The following MFSD1 variants were observed in gnomAD, a reference collection of about 807,000 sequenced individuals.
The protein encoded by MFSD1 is major facilitator superfamily domain containing 1.
A neutral mutation model predicts 67.1 loss-of-function variants in MFSD1; 59 were observed. That is an observed-to-expected ratio of 0.88 (90% CI 0.71 to 1.09). The LOEUF is 1.09. Among genes scored for constraint, MFSD1 ranks in the 50% least tolerant of loss-of-function variants. MFSD1 has a pLI of 0.00. For synonymous variants in MFSD1, 213 were observed against 200.3 expected (o/e 1.06, Z -0.54); for missense variants, 552 against 566.1 (o/e 0.97, Z 0.25).
At chr3:158,814,910 C>T (rs146161302) in intron 7 of MFSD1, among the ~76,000 whole-genome samples, 3,134 of 152,022 alleles carry the variant, frequency 0.021, 50 homozygotes, top group Non-Finnish European at 0.032. Flanking sequence ...TGGAGAAACC[C>T]GTCTCTACTA....
intron 7 of MFSD1, among the ~76,000 whole-genome samples, chr3:158,815,699 A>G (rs975786010): frequency 1.3e-5 from 2 of 151,506 alleles, no homozygotes; most frequent in Non-Finnish European, 2.9e-5. Context: ...CATGTGCACA[A>G]TGTGCAGGTT....
At chr3:158,815,356 C>CTTTTTTTTT (rs58754327) in intron 7 of MFSD1, among the ~76,000 whole-genome samples, 1 of 134,326 alleles carries the variant, frequency 7.4e-6, no homozygotes, top group African/African-American at 2.8e-5. Flanking sequence ...CTTGTAGTGT[C>CTTTTTTTTT]TTTTTTTTTT....
chr3:158,814,975 G>C (rs546363511), intron 7 of MFSD1, among the ~76,000 whole-genome samples: 2 of 152,182 alleles, frequency 1.3e-5, no homozygotes, highest in African/African-American at 4.8e-5. Context: ...CCAGCTACCC[G>C]GGAGGCTGAG....
At chr3:158,828,121 A>G (rs1446436318) in intron 15 of MFSD1, among the ~76,000 whole-genome samples, 4 of 152,216 alleles carry the variant, frequency 2.6e-5, no homozygotes, top group South Asian at 2.1e-4. Context: ...TCTGGTACCA[A>G]TATGTGGTTC....
intron 1 of MFSD1, 27 bp from the exon 2 acceptor site, chr3:158,804,292 A>G (rs765454800): frequency 6.4e-7 from 1 of 1,556,618 alleles, no homozygotes; most frequent in East Asian, 2.3e-5. Flanking sequence ...AAGTATTATT[A>G]CTTATAAAGT....
intron 3 of MFSD1, among the ~76,000 whole-genome samples, chr3:158,806,426 A>G (rs1290459943): frequency 6.6e-6 from 1 of 152,170 alleles, no homozygotes; most frequent in Non-Finnish European, 1.5e-5. Context: ...TGGTCATTTC[A>G]CAAGGATCTT....
Position 158,827,281 on chromosome 3 carries a change from TG to T in MFSD1, c.1341del (p.Asn448ThrfsTer2). ...GATCTATGTTTATTTGTGTTTTAGG[TG>T]GGAACCTAAATTATTCTGCAAGACA... is the stretch of plus-strand genomic sequence containing the variant. ...LLYLVNRAQG[G>X]NLNYSARQRE... On this transcript the variant is annotated frameshift_variant and splice_region_variant, in exon 15 of 16. Coordinates refer to ENST00000415822, the MANE Select transcript of MFSD1 (RefSeq NM_022736.4). LOFTEE classifies it high-confidence loss of function. 2 of 1,551,902 alleles carry T rather than the reference TG, an allele frequency of 1.3e-6. No individual in the cohort carries two copies. Among genetic ancestry groups the T allele is most frequent in the Non-Finnish European group, 1.7e-6 (2 of 1,149,660 alleles).
rs969751515 is a variant in MFSD1 at position 158,802,174 on chromosome 3, G to T, written c.22G>T (p.Ala8Ser). ...CGCAATGGAGGAGGAGGATGAGGAA[G>T]CGCGGGCGCTCCTGGCAGGCGGCCC... MEEEDEE[A>S]RALLAGGPDE... The change falls in exon 1 of 16, where the codon GCG becomes TCG. Residue 8 changes from alanine (A) to serine (S), a missense_variant. Ala to Ser is a moderately conservative substitution (Grantham distance 99). Coordinates refer to ENST00000415822, the MANE Select transcript of MFSD1 (RefSeq NM_022736.4). 11 of 1,612,518 alleles carry T rather than the reference G, an allele frequency of 6.8e-6. No homozygotes were observed. Among genetic ancestry groups the T allele is most frequent in the Admixed American group, 1.7e-5 (1 of 59,936 alleles).
chr3:158,825,010 A>G (rs1730890363), intron 13 of MFSD1, among the ~76,000 whole-genome samples: 1 of 152,224 alleles, frequency 6.6e-6, no homozygotes, highest in South Asian at 2.1e-4. Context: ...TGGGTCATAT[A>G]AGAATTTCAG....
intron 8 of MFSD1, 100 bp downstream of exon 8, chr3:158,819,847 G>T: frequency 1.7e-6 from 1 of 589,506 alleles, no homozygotes; most frequent in East Asian, 3.0e-5. Flanking sequence ...AAACCAGGTG[G>T]AGCTTAAGAC....
intron 8 of MFSD1, 114 bp downstream of exon 8, chr3:158,819,861 ATTTTTAT>A: frequency 1.9e-6 from 1 of 533,592 alleles, no homozygotes; most frequent in Non-Finnish European, 3.3e-6. Flanking sequence ...TTAAGACATG[ATTTTTAT>A]TTTTTATTTC....
chr3:158,822,904 G>T (rs954648430), intron 11 of MFSD1: 4 of 157,890 alleles, frequency 2.5e-5, no homozygotes, highest in Admixed American at 2.4e-4. Context: ...ATAGTTATAA[G>T]TGATACTCAT....
At chr3:158,812,547 C>A (rs187438244) in intron 6 of MFSD1, among the ~76,000 whole-genome samples, 1 of 152,278 alleles carries the variant, frequency 6.6e-6, no homozygotes, top group East Asian at 1.9e-4. Context: ...GCAAATATAT[C>A]TATGCTCTGA....
intron 14 of MFSD1, 94 bp downstream of exon 14, chr3:158,826,156 C>T: frequency 2.2e-6 from 2 of 901,292 alleles, no homozygotes; most frequent in South Asian, 1.4e-5. Context: ...TGCTTTATTC[C>T]ATGCAGTAAT....
chr3:158,815,835 G>A (rs1490882172), intron 7 of MFSD1, among the ~76,000 whole-genome samples: 1 of 148,594 alleles, frequency 6.7e-6, no homozygotes, highest in Non-Finnish European at 1.5e-5. Context: ...CCCAGAGTGT[G>A]ATGTTCCCCT....
intron 6 of MFSD1, among the ~76,000 whole-genome samples, chr3:158,812,967 C>G (rs182286686): frequency 7.2e-5 from 11 of 152,194 alleles, no homozygotes; most frequent in Admixed American, 7.2e-4. Context: ...CCCCACAGTT[C>G]GTTTCCTGCA....
chr3:158,811,433 G>A (rs1730011880), intron 6 of MFSD1, among the ~76,000 whole-genome samples: 5 of 152,226 alleles, frequency 3.3e-5, no homozygotes, highest in Admixed American at 2.6e-4. Flanking sequence ...AGTGATGTAA[G>A]TTCAGGAGCA....
intron 11 of MFSD1, 139 bp downstream of exon 11, chr3:158,822,279 C>T: frequency 3.7e-6 from 2 of 534,862 alleles, no homozygotes; most frequent in Non-Finnish European, 6.3e-6. Context: ...CCAATATCTA[C>T]AAAATAATTA....
rs1291613167 is a variant in MFSD1 at position 158,821,997 on chromosome 3, A to C, written c.934A>C (p.Ile312Leu). ...TTCTCTGGGCAGTGTTGTATATGTCATATCAGCTCCCATGTCCCCGGTGTT... is the reference window on the plus strand; with the variant it reads ...TTCTCTGGGCAGTGTTGTATATGTCCTATCAGCTCCCATGTCCCCGGTGTT... ...ASAINSVVYV[I>L]SAPMSPVFGL... The change falls in exon 11 of 16, where the codon ATA becomes CTA. Residue 312 changes from isoleucine to leucine, a missense_variant. Transcript: ENST00000415822. 1 of 1,613,668 alleles carries C rather than the reference A, an allele frequency of 6.2e-7. No individual in the cohort carries two copies. The highest frequency in any genetic ancestry group is 2.2e-5 in the East Asian group (1 of 44,872).
Sources: gnomAD v4.1 joint callset for allele counts (sites outside exome capture counted in the v4.1 genomes callset) on GRCh38, gnomAD v4.1.1 for gene constraint, MANE v1.5 for transcripts, NCBI Gene and HGNC (gene_info 2026-07-23, HGNC 2026-07-21) for gene names.